The following NCBP3 variants were observed in gnomAD, a reference collection of about 807,000 sequenced individuals.
NCBP3 encodes the protein nuclear cap-binding protein subunit 3.
In NCBP3, 20 loss-of-function variants were observed where a neutral mutation model predicts 75.7. The observed-to-expected ratio is 0.26, with a 90% CI of 0.19 to 0.38. NCBP3 has a LOEUF of 0.38. Ranked by LOEUF, NCBP3 falls within the 10% of genes least tolerant of loss-of-function variation. The pLI is 1.00. For synonymous variants in NCBP3, 293 were observed against 290.5 expected (o/e 1.01, Z -0.09); for missense variants, 678 against 796.9 (o/e 0.85, Z 1.80).
rs1250399211 is a variant in NCBP3 at position 3,808,410 on chromosome 17, T to A, written c.*4634A>T. ...ACTGAATCCTGGAGAGAGCTGAGAC[T>A]CTTCTGTGGCAGTACCATGGGACAC... is the stretch of plus-strand genomic sequence containing the variant. On this transcript the variant is annotated 3_prime_UTR_variant, in exon 13 of 13. Transcript: ENST00000389005. The A allele has an allele frequency of 6.6e-6, 1 of 152,216 alleles. No homozygotes were observed. Among genetic ancestry groups the A allele is most frequent in the Non-Finnish European group, 1.5e-5 (1 of 68,044 alleles). 9.4% of individuals were successfully genotyped at this position (152,216 alleles called of 1,614,324 possible). A position where few individuals can be genotyped will look rare whatever the true frequency, so the allele number is the denominator to read the frequency against.
In NCBP3 at chr17:3,816,107, G is replaced by A; in HGVS notation, c.1465+9C>T. 3.1e-6 allele frequency: 5 copies of A among 1,610,596 alleles called. No individual in the cohort carries two copies. Among genetic ancestry groups the A allele is most frequent in the Non-Finnish European group, 4.2e-6 (5 of 1,178,368 alleles). ...GAATCCAGCCAGGAATCCAAGTGAG[G>A]AACAGTACCTGATTTAGTACTGCTG... is the stretch of plus-strand genomic sequence containing the variant. On this transcript the variant is annotated intron_variant, in intron 11 of 12. Transcript: ENST00000389005.
intron 7 of NCBP3, chr17:3,822,693 A>T (rs555878414): frequency 3.3e-5 from 5 of 152,300 alleles, no homozygotes; most frequent in African/African-American, 1.2e-4. Context: ...TGTCAAAAGT[A>T]GTAATACAAA....
At chr17:3,829,151 T>G (rs1318416647) in intron 4 of NCBP3, 92 bp downstream of exon 4, 5 of 1,388,360 alleles carry the variant, frequency 3.6e-6, no homozygotes, top group Middle Eastern at 1.8e-4. Context: ...AAACAAGTAG[T>G]ATGGGCCAGA....
At chr17:3,845,926 C>T (rs2143730910) in intron 1 of NCBP3, 115 bp downstream of exon 1, 2 of 1,248,020 alleles carry the variant, frequency 1.6e-6, no homozygotes, top group East Asian at 3.1e-5. Flanking sequence ...GCTCCCTCCT[C>T]TCCCGCTCCC....
chr17:3,814,418 C>A lies in NCBP3; in HGVS notation c.1531G>T (p.Val511Phe), dbSNP rs763908946. 7 of 1,614,232 alleles carry A rather than the reference C, an allele frequency of 4.3e-6. No homozygotes were observed. The Admixed American group carries it at 5.0e-5, about 12-fold the overall frequency. Residue 511 changes from valine to phenylalanine, a missense_variant, in exon 12 of 13, where the codon GTT becomes TTT. This residue lies in a region of NCBP3 where 365 missense variants were observed against 392.7 expected (regional missense o/e 0.93). Coordinates refer to ENST00000389005, the MANE Select transcript of NCBP3 (RefSeq NM_001114118.3). ...ACATCAGAAGAGGGCTCTCTCCGAA[C>A]GACGGGGTTACTACTAAAAGCCTTT... ...PEKAFSSNPV[V>F]RREPSSDVHS... is the part of the protein sequence containing the mutation.
chr17:3,818,203 G>A lies in NCBP3; in HGVS notation c.1310+60C>T. On this transcript the variant is annotated intron_variant, in intron 10 of 12. Coordinates refer to ENST00000389005, the MANE Select transcript of NCBP3 (RefSeq NM_001114118.3). This position sits in a 1 kb window ranked among gnomAD's most constrained non-coding sequence, Gnocchi z 4.7. ...ATATTATAAAATTAGGAGGAATTAA[G>A]AAGTTATACTAGTATTTAAAATCAA... is the stretch of plus-strand genomic sequence containing the variant. 1 of 1,222,002 alleles carries A rather than the reference G, an allele frequency of 8.2e-7. No individual in the cohort carries two copies. The highest frequency in any genetic ancestry group is 1.5e-5 in the South Asian group (1 of 64,534). 75.7% of individuals were successfully genotyped at this position (1,222,002 alleles called of 1,614,324 possible). A position where few individuals can be genotyped will look rare whatever the true frequency, so the allele number is the denominator to read the frequency against.
chr17:3,839,313 G>T (rs181298854), intron 3 of NCBP3, among the ~76,000 whole-genome samples: 19 of 152,196 alleles, frequency 1.2e-4, no homozygotes, highest in Middle Eastern at 3.4e-3. Context: ...TTACTGAGTG[G>T]TTTACATATA....
intron 11 of NCBP3, among the ~76,000 whole-genome samples, chr17:3,814,729 C>T (rs960996942): frequency 2.1e-5 from 3 of 145,972 alleles, no homozygotes; most frequent in Admixed American, 1.4e-4. Flanking sequence ...AAGAAACAAC[C>T]TTTTTTTTTT....
In NCBP3 at chr17:3,807,959, A is replaced by G. The variant is rs1293524856; in HGVS notation, c.*5085T>C. ...GGGGTACAGTGATTTGGCATTATAC[A>G]CACATTTCGCTTAAACACAATGGTA... On this transcript the variant is annotated 3_prime_UTR_variant, in exon 13 of 13. Transcript: ENST00000389005. 1 of 152,222 alleles carries G rather than the reference A, an allele frequency of 6.6e-6. No individual in the cohort carries two copies. The highest frequency in any genetic ancestry group is 1.5e-5 in the Non-Finnish European group (1 of 68,042). 9.4% of individuals were successfully genotyped at this position (152,222 alleles called of 1,614,324 possible).
rs943045904 is a variant in NCBP3, at chr17:3,820,510, G to T, written c.1000+739C>A. Among the ~76,000 whole-genome samples the T allele has an allele frequency of 2.6e-5, 4 of 152,254 alleles. No homozygotes were observed. The Middle Eastern group carries it at 0.014, about 518-fold the overall frequency. ...CCAAAAAAAGGAGAAAGAAACCCAAGTCATGATATCCCACTCTTCTGAGGC... is the reference window on the plus strand; with the variant it reads ...CCAAAAAAAGGAGAAAGAAACCCAATTCATGATATCCCACTCTTCTGAGGC... On this transcript the variant is annotated intron_variant, in intron 9 of 12. Coordinates refer to ENST00000389005, the MANE Select transcript of NCBP3 (RefSeq NM_001114118.3).
chr17:3,825,380 C>A (rs77518155), intron 6 of NCBP3, among the ~76,000 whole-genome samples: 22 of 152,268 alleles, frequency 1.4e-4, no homozygotes, highest in African/African-American at 5.3e-4. Flanking sequence ...GAAGCTATAT[C>A]CCTAGCACTT....
rs116982461 is a variant in NCBP3, at chr17:3,840,221, A to G, written c.250-16T>C. On this transcript the variant is annotated splice_polypyrimidine_tract_variant and intron_variant, in intron 2 of 12. Transcript: ENST00000389005. Reference sequence around the variant, plus strand: ...CAATTGCTTCCTAGAAAGTACAGAAAAAGTGAAAGTAGTAAAATATGGAGA... The same window carrying G: ...CAATTGCTTCCTAGAAAGTACAGAAGAAGTGAAAGTAGTAAAATATGGAGA... The G allele has an allele frequency of 9.7e-3, 14,952 of 1,546,458 alleles. 85 individuals are homozygous for G. The highest frequency in any genetic ancestry group is 0.012 in the Non-Finnish European group (13,258 of 1,142,260).
At chr17:3,816,431 GA>G (rs1469103406) in intron 10 of NCBP3, among the ~76,000 whole-genome samples, 161 bp from the exon 11 acceptor site, 4 of 152,202 alleles carry the variant, frequency 2.6e-5, no homozygotes, top group Non-Finnish European at 5.9e-5. Context: ...TTTGCTTATG[GA>G]AACCATGATC....
At chr17:3,842,559 G>A (rs1464200451) in intron 2 of NCBP3, among the ~76,000 whole-genome samples, 4 of 152,122 alleles carry the variant, frequency 2.6e-5, no homozygotes, top group Admixed American at 1.3e-4. Flanking sequence ...TCTTGGAAAC[G>A]GTTCAACACA....
intron 1 of NCBP3, 54 bp downstream of exon 1, chr17:3,845,987 G>A (rs2054157330): frequency 2.0e-6 from 3 of 1,519,498 alleles, no homozygotes; most frequent in Non-Finnish European, 1.8e-6. Flanking sequence ...GCCCCCTCCG[G>A]CGCTAGACAC....
At chr17:3,821,437 T>C (rs2053663273) in intron 8 of NCBP3, 85 bp from the exon 9 acceptor site, 1 of 1,104,414 alleles carries the variant, frequency 9.1e-7, no homozygotes, top group Non-Finnish European at 1.3e-6. Context: ...TTTCTTTTTT[T>C]TTTGTGATGG....
At chr17:3,826,288 G>A (rs937918818) in intron 4 of NCBP3, 73 bp from the exon 5 acceptor site, 15 of 1,384,830 alleles carry the variant, frequency 1.1e-5, no homozygotes, top group South Asian at 7.1e-5. Context: ...ATTCTGCATC[G>A]CATTCATCAC....
In NCBP3 at chr17:3,810,591, A is replaced by G. The variant is rs2053393743; in HGVS notation, c.*2453T>C. ...ATTCTTACTCTTAAACTCCAAAGAA[A>G]AGGCCTCATCATTCAGGACACACTC... On this transcript the variant is annotated 3_prime_UTR_variant, in exon 13 of 13. Coordinates refer to ENST00000389005, the MANE Select transcript of NCBP3 (RefSeq NM_001114118.3). 6.6e-6 allele frequency: 1 copy of G among 152,182 alleles called. No homozygotes were observed. The highest frequency in any genetic ancestry group is 2.4e-5 in the African/African-American group (1 of 41,440). 9.4% of individuals were successfully genotyped at this position (152,182 alleles called of 1,614,324 possible).
At chr17:3,828,538 G>A (rs2053825698) in intron 4 of NCBP3, among the ~76,000 whole-genome samples, 3 of 152,118 alleles carry the variant, frequency 2.0e-5, no homozygotes, top group Admixed American at 2.0e-4. Context: ...CTACCCAGCA[G>A]GTCAGCCAGC....
Sources: allele counts gnomAD v4.1 joint callset (sites outside exome capture counted in the v4.1 genomes callset), GRCh38; gene constraint gnomAD v4.1.1; regional missense constraint gnomAD v4.1.1; non-coding constraint Gnocchi (gnomAD v3.1); transcripts MANE v1.5; gene names NCBI Gene and HGNC (gene_info 2026-07-23, HGNC 2026-07-21).